Variants in PREX2 observed in about 807,000 individuals in gnomAD.
PREX2 encodes the protein phosphatidylinositol-3,4,5-trisphosphate dependent Rac exchange factor 2.
PREX2 carries 107 observed loss-of-function variants against 203.2 expected under a neutral mutation model. The observed-to-expected ratio is 0.53, with a 90% CI of 0.45 to 0.62. PREX2 has a LOEUF of 0.62. Ranked by LOEUF, PREX2 falls within the 20% of genes least tolerant of loss-of-function variation. The pLI, the probability that PREX2 is intolerant of heterozygous loss-of-function variation, is 0.00. For missense variants in PREX2, 1,777 were observed against 1,955.9 expected, an observed-to-expected ratio of 0.91 and a Z score of 1.72; for synonymous variants, 672 against 663.6, an observed-to-expected ratio of 1.01 and a Z score of -0.19.
At position 68,233,952 on chromosome 8, in the gene PREX2, T is replaced by C. The variant is rs1813218132; in HGVS notation, c.*2574T>C. On this transcript the variant is annotated 3_prime_UTR_variant, in exon 40 of 40. Coordinates refer to ENST00000288368, the MANE Select transcript of PREX2 (RefSeq NM_024870.4). ...TTATACATCTTGTATTAAAAAACGGTGAATGGAAATATGTAAATGCTTTAA... is the reference window on the plus strand; with the variant it reads ...TTATACATCTTGTATTAAAAAACGGCGAATGGAAATATGTAAATGCTTTAA... 1 of 152,160 alleles carries C rather than the reference T, an allele frequency of 6.6e-6. No individual in the cohort carries two copies. Among genetic ancestry groups the C allele is most frequent in the African/African-American group, 2.4e-5 (1 of 41,442 alleles). The allele number at this position is 152,160 out of a possible 1,614,324, so 9.4% of individuals were successfully genotyped here. A position where few individuals can be genotyped will look rare whatever the true frequency, so the allele number is the denominator to read the frequency against.
chr8:68,071,116 G>A (rs953459250), intron 13 of PREX2, among the ~76,000 whole-genome samples: 1 of 152,048 alleles, frequency 6.6e-6, no homozygotes, highest in Non-Finnish European at 1.5e-5. Context: ...TTTTATATGG[G>A]CAAAAATGTG....
intron 6 of PREX2, among the ~76,000 whole-genome samples, chr8:68,033,812 GT>G (rs1482015082): frequency 6.6e-6 from 1 of 152,074 alleles, no homozygotes; most frequent in East Asian, 1.9e-4. Context: ...CATTGTATGC[GT>G]TATAATCACA....
At chr8:68,107,793 A>C (rs2129612781) in intron 23 of PREX2, among the ~76,000 whole-genome samples, 1 of 152,300 alleles carries the variant, frequency 6.6e-6, no homozygotes, top group East Asian at 1.9e-4. Context: ...AGGCTCTTTC[A>C]GCTGCTGGGA....
In PREX2 at chr8:68,044,479, A is replaced by AT; in HGVS notation, c.840-7dup. On this transcript the variant is annotated splice_region_variant and splice_polypyrimidine_tract_variant and intron_variant, in intron 7 of 39. Transcript: ENST00000288368. ...AACAAAGTCTTTGTGATTTAATTCC[A>AT]TCTTAAGACGGTTGAAGAACAGCAA... is the stretch of plus-strand genomic sequence containing the variant. The AT allele has an allele frequency of 6.3e-7, 1 of 1,593,560 alleles. No individual in the cohort carries two copies.
chr8:68,162,397 A>G (rs1227172941), intron 35 of PREX2, among the ~76,000 whole-genome samples: 1 of 152,154 alleles, frequency 6.6e-6, no homozygotes, highest in African/African-American at 2.4e-5. Flanking sequence ...TATGTTTAAC[A>G]ATTAATGTTT....
At chr8:68,025,787 G>A (rs752204928) in intron 4 of PREX2, among the ~76,000 whole-genome samples, 4 of 152,038 alleles carry the variant, frequency 2.6e-5, no homozygotes, top group Non-Finnish European at 5.9e-5. Context: ...CTTCATGTAT[G>A]TATAAGGAGC....
At chr8:67,969,131 G>A (rs1805855384) in intron 1 of PREX2, among the ~76,000 whole-genome samples, 1 of 152,182 alleles carries the variant, frequency 6.6e-6, no homozygotes, top group East Asian at 1.9e-4. Context: ...TGCTGACAGT[G>A]CTCATTTATC....
At chr8:67,961,155 A>G (rs1805623074) in intron 1 of PREX2, among the ~76,000 whole-genome samples, 1 of 152,016 alleles carries the variant, frequency 6.6e-6, no homozygotes, top group Non-Finnish European at 1.5e-5. Context: ...CATTTTCTTA[A>G]CAATTCTTTT....
At position 68,019,606 on chromosome 8, in the gene PREX2, G is replaced by A. The variant is rs764373905; in HGVS notation, c.271G>A (p.Val91Met). Residue 91 changes from valine to methionine, a missense_variant, in exon 3 of 40, where the codon GTG becomes ATG. Val to Met is a conservative substitution (Grantham distance 21, BLOSUM62 1). Coordinates refer to ENST00000288368, the MANE Select transcript of PREX2 (RefSeq NM_024870.4). ...AGTACATAAAGAATTCTTAAAAGTC[G>A]TGGAAGAATGCTTACACCCCGAACC... ...LAVHKEFLKV[V>M]EECLHPEPNA... 66 of 1,612,870 alleles carry A rather than the reference G, an allele frequency of 4.1e-5. 1 individual carries two copies. Among genetic ancestry groups the A allele is most frequent in the East Asian group, 1.8e-4 (8 of 44,840 alleles).
intron 25 of PREX2, among the ~76,000 whole-genome samples, chr8:68,109,914 T>A (rs1465408193): frequency 6.6e-6 from 1 of 152,188 alleles, no homozygotes; most frequent in African/African-American, 2.4e-5. Context: ...GAAAGATATA[T>A]TTGAAAGAAT....
rs181694811 is a variant in PREX2 at position 67,997,209 on chromosome 8, G to C, written c.142-20637G>C. Among the ~76,000 whole-genome samples the C allele has an allele frequency of 4.9e-4, 75 of 152,182 alleles. 1 individual carries two copies. Among genetic ancestry groups the C allele is most frequent in the Middle Eastern group, 6.8e-3 (2 of 294 alleles). On this transcript the variant is annotated intron_variant, in intron 1 of 39. Coordinates refer to ENST00000288368, the MANE Select transcript of PREX2 (RefSeq NM_024870.4). ...GCACCAACCTAATAGTAATAATTCAGTTAACCCTCATGTTTGAGTCTGTTT... is the reference window on the plus strand; with the variant it reads ...GCACCAACCTAATAGTAATAATTCACTTAACCCTCATGTTTGAGTCTGTTT...
chr8:68,074,234 G>T (rs1232409710), intron 14 of PREX2, among the ~76,000 whole-genome samples: 1 of 152,018 alleles, frequency 6.6e-6, no homozygotes, highest in Admixed American at 6.6e-5. Context: ...CAAAGGGCTC[G>T]GATTACAGGT....
At chr8:67,965,585 A>T (rs1471528377) in intron 1 of PREX2, among the ~76,000 whole-genome samples, 1 of 152,100 alleles carries the variant, frequency 6.6e-6, no homozygotes, top group East Asian at 1.9e-4. Flanking sequence ...GTCTGCATTC[A>T]GTGGATGTTC....
chr8:67,993,578 T>C (rs1806673960), intron 1 of PREX2, among the ~76,000 whole-genome samples: 1 of 152,062 alleles, frequency 6.6e-6, no homozygotes, highest in Non-Finnish European at 1.5e-5. Flanking sequence ...CAGCTAATTT[T>C]TGTATTTTTG....
chr8:68,098,927 CATATATATGTGTATAT>C (rs1810168097), intron 22 of PREX2, among the ~76,000 whole-genome samples: 1 of 106,580 alleles, frequency 9.4e-6, no homozygotes, highest in African/African-American at 4.0e-5. Flanking sequence ...AGAAATGCTA[CATATATATGTGTATAT>C]ATATATATAT....
chr8:68,018,820 ACT>A (rs1398753107), intron 2 of PREX2, among the ~76,000 whole-genome samples: 1 of 152,186 alleles, frequency 6.6e-6, no homozygotes, highest in Non-Finnish European at 1.5e-5. Context: ...ATGCTAACTT[ACT>A]GTTTTATTTT....
intron 1 of PREX2, among the ~76,000 whole-genome samples, chr8:67,979,494 A>G (rs1806204813): frequency 6.6e-6 from 1 of 152,190 alleles, no homozygotes; most frequent in Non-Finnish European, 1.5e-5. Context: ...AAATGCCAAT[A>G]TCATATGGAA....
In PREX2 at chr8:68,102,704, T is replaced by C. The variant is rs950630458; in HGVS notation, c.2715+2861T>C. The stretch of plus-strand genomic sequence containing the variant: ...AAACTAAAATCTCAAAGATGCTGGC[T>C]TTACCTTATTTTGACTCTGAAAGTT... On this transcript the variant is annotated intron_variant, in intron 23 of 39. Transcript: ENST00000288368. 4.2e-5 allele frequency: 16 copies of C among 377,438 alleles called. No homozygotes were observed. The Admixed American group carries it at 4.6e-4, about 11-fold the overall frequency. 23.4% of individuals were successfully genotyped at this position (377,438 alleles called of 1,614,324 possible).
Position 68,232,963 on chromosome 8 carries a change from T to C in PREX2, c.*1585T>C, listed in dbSNP as rs1332612357. The stretch of plus-strand genomic sequence containing the variant: ...TGAAATTTGATCATGGTTTTCAAAC[T>C]ATTATTAAAACCTTTATCATTAACC... On this transcript the variant is annotated 3_prime_UTR_variant, in exon 40 of 40. Transcript: ENST00000288368. The C allele has an allele frequency of 6.6e-6, 1 of 152,202 alleles. No homozygotes were observed. The highest frequency in any genetic ancestry group is 2.4e-5 in the African/African-American group (1 of 41,452). 9.4% of individuals were successfully genotyped at this position (152,202 alleles called of 1,614,324 possible).
Sources: allele counts gnomAD v4.1 joint callset (sites outside exome capture counted in the v4.1 genomes callset), GRCh38; gene constraint gnomAD v4.1.1; transcripts MANE v1.5; gene names NCBI Gene and HGNC (gene_info 2026-07-23, HGNC 2026-07-21).